The following NTRK3 variants were observed in gnomAD, a reference collection of about 807,000 sequenced individuals.
NTRK3 encodes the protein NT-3 growth factor receptor.
A neutral mutation model predicts 91.7 loss-of-function variants in NTRK3; 24 were observed. The observed-to-expected ratio is 0.26, with a 90% confidence interval of 0.19 to 0.37. The LOEUF (loss-of-function observed/expected upper bound fraction) is 0.37, where lower values mean the gene tolerates loss of function less well. Ranked by LOEUF, NTRK3 falls within the 10% of genes least tolerant of loss-of-function variation. The pLI is 1.00. For missense variants in NTRK3, 880 were observed against 1,068.9 expected, an observed-to-expected ratio of 0.82 and a Z score of 2.46; for synonymous variants, 483 against 404.0, an observed-to-expected ratio of 1.20 and a Z score of -2.34.
At chr15:88,053,317 T>C (rs1348132534) in intron 13 of NTRK3, among the ~76,000 whole-genome samples, 1 of 152,164 alleles carries the variant, frequency 6.6e-6, no homozygotes, top group Admixed American at 6.5e-5. Flanking sequence ...AGTCAGTGTG[T>C]GGAGGCTCCA....
chr15:87,920,774 G>T (rs772266236), intron 17 of NTRK3, among the ~76,000 whole-genome samples: 1 of 152,222 alleles, frequency 6.6e-6, no homozygotes, highest in Non-Finnish European at 1.5e-5. Context: ...GGCTCCTAAG[G>T]GTGCATCGAG....
intron 5 of NTRK3, among the ~76,000 whole-genome samples, chr15:88,162,659 C>T (rs775772892): frequency 1.2e-4 from 19 of 152,182 alleles, no homozygotes; most frequent in Admixed American, 2.6e-4. Context: ...TTCGAAAGAG[C>T]GCTGTTGACC....
chr15:88,037,041 G>C (rs1009081409), intron 13 of NTRK3, among the ~76,000 whole-genome samples: 1 of 152,174 alleles, frequency 6.6e-6, no homozygotes, highest in East Asian at 1.9e-4. Context: ...TTGAGGATTT[G>C]AAAAAGCTGT....
chr15:88,088,217 C>G (rs1355205714), intron 13 of NTRK3, among the ~76,000 whole-genome samples: 1 of 152,106 alleles, frequency 6.6e-6, no homozygotes, highest in Non-Finnish European at 1.5e-5. Flanking sequence ...AAGTATCTAC[C>G]CCAAGGAGTT....
intron 5 of NTRK3, among the ~76,000 whole-genome samples, chr15:88,162,587 T>A (rs886437504): frequency 6.6e-6 from 1 of 152,158 alleles, no homozygotes; most frequent in African/African-American, 2.4e-5. Context: ...GACAACGCAC[T>A]CAGCATACGC....
At chr15:87,938,531 G>C (rs1425259442) in intron 15 of NTRK3, among the ~76,000 whole-genome samples, 3 of 152,144 alleles carry the variant, frequency 2.0e-5, no homozygotes, top group Non-Finnish European at 4.4e-5. Context: ...ATCTCCTCCA[G>C]ATCCAAGGAA....
At chr15:88,056,267 A>T (rs1307693610) in intron 13 of NTRK3, among the ~76,000 whole-genome samples, 2 of 150,036 alleles carry the variant, frequency 1.3e-5, no homozygotes, top group African/African-American at 4.9e-5. Context: ...ATAAAATGGA[A>T]ATAGAGCAAA....
intron 14 of NTRK3, among the ~76,000 whole-genome samples, chr15:87,980,120 T>C (rs1455157555): frequency 6.6e-6 from 1 of 152,154 alleles, no homozygotes; most frequent in Non-Finnish European, 1.5e-5. Flanking sequence ...GGGAGGAAAA[T>C]ACCCTGGAGG....
chr15:88,084,776 G>A (rs1001580069), intron 13 of NTRK3, among the ~76,000 whole-genome samples: 1 of 152,166 alleles, frequency 6.6e-6, no homozygotes, highest in African/African-American at 2.4e-5. Context: ...TAAACCTCAG[G>A]GAAGGCTTCT....
At chr15:87,893,964 T>C (rs1269396425) in intron 17 of NTRK3, among the ~76,000 whole-genome samples, 1 of 152,208 alleles carries the variant, frequency 6.6e-6, no homozygotes, top group African/African-American at 2.4e-5. Context: ...TGAAGAGTGG[T>C]AAAACCTTGG....
exon 19 of NTRK3, chr15:87,861,498 T>G: frequency 5.0e-6 from 1 of 198,492 alleles, no homozygotes; most frequent in Non-Finnish European, 1.0e-5. Context: ...AATACAAGTT[T>G]TGTTCTGCTG....
chr15:87,873,793 G>A, exon 19 of NTRK3: 2 of 231,926 alleles, frequency 8.6e-6, no homozygotes, highest in Non-Finnish European at 1.7e-5. Context: ...CTCCCCTCCT[G>A]GCTTACAGTC....
chr15:88,036,752 C>T (rs2079106795), intron 13 of NTRK3, among the ~76,000 whole-genome samples: 1 of 152,104 alleles, frequency 6.6e-6, no homozygotes, highest in East Asian at 1.9e-4. Context: ...AATTGTAGAC[C>T]ACGGAATGCA....
intron 14 of NTRK3, among the ~76,000 whole-genome samples, chr15:88,032,583 T>C (rs1047143525): frequency 6.6e-5 from 10 of 151,962 alleles, no homozygotes; most frequent in African/African-American, 2.4e-4. Context: ...TCTCCTGCCT[T>C]ATTGGGAGCA....
intron 3 of NTRK3, among the ~76,000 whole-genome samples, chr15:88,239,536 G>A (rs2052120218): frequency 6.6e-6 from 1 of 152,134 alleles, no homozygotes; most frequent in Non-Finnish European, 1.5e-5. Flanking sequence ...TCAACTACAG[G>A]TTGGATCACG....
At chr15:87,966,684 C>A (rs2141242294) in intron 14 of NTRK3, among the ~76,000 whole-genome samples, 1 of 152,304 alleles carries the variant, frequency 6.6e-6, no homozygotes, top group South Asian at 2.1e-4. Flanking sequence ...GTCCTGGAGG[C>A]AAGCTGAGAG....
chr15:87,987,671 A>G (rs2074940065), intron 14 of NTRK3, among the ~76,000 whole-genome samples: 1 of 151,950 alleles, frequency 6.6e-6, no homozygotes, highest in Non-Finnish European at 1.5e-5. Flanking sequence ...CTTTGTATAC[A>G]GTACTCATAG....
At chr15:87,884,806 C>T (rs2065445142) in intron 17 of NTRK3, among the ~76,000 whole-genome samples, 1 of 151,738 alleles carries the variant, frequency 6.6e-6, no homozygotes, top group Non-Finnish European at 1.5e-5. Context: ...AAGTCTAATT[C>T]ATAGAAGGTA....
intron 6 of NTRK3, among the ~76,000 whole-genome samples, chr15:88,138,359 G>A (rs182937613): frequency 2.1e-4 from 32 of 152,190 alleles, no homozygotes; most frequent in African/African-American, 6.5e-4. Context: ...GCAGTGAGCC[G>A]AGATTGCACC....
Sources: gnomAD v4.1 joint callset for allele counts (sites outside exome capture counted in the v4.1 genomes callset) on GRCh38, gnomAD v4.1.1 for gene constraint, MANE v1.5 for transcripts, NCBI Gene and HGNC (gene_info 2026-07-23, HGNC 2026-07-21) for gene names.